Variants in CSMD1 observed in about 807,000 individuals in gnomAD.
CSMD1 encodes CUB and Sushi multiple domains 1.
In CSMD1, 213 loss-of-function variants were observed where a neutral mutation model predicts 417.5. That is an observed-to-expected ratio of 0.51 (90% CI 0.46 to 0.57). The LOEUF is 0.57. CSMD1 is among the 20% of genes least tolerant of loss of function. The probability of loss-of-function intolerance (pLI) is 0.00; values close to 1 mark genes in which losing one functional copy is unlikely to be tolerated. For synonymous variants in CSMD1, 2,862 were observed against 1,736.8 expected, an observed-to-expected ratio of 1.65 and a Z score of -16.11; for missense variants, 6,923 against 4,529.7, an observed-to-expected ratio of 1.53 and a Z score of -15.17.
chr8:3,936,306 C>A (rs912529093), intron 5 of CSMD1, among the ~76,000 whole-genome samples: 1 of 152,120 alleles, frequency 6.6e-6, no homozygotes, highest in African/African-American at 2.4e-5. Context: ...GGTGGCTACA[C>A]TAAAAGGCAG....
intron 5 of CSMD1, among the ~76,000 whole-genome samples, chr8:3,798,565 G>C (rs1346028358): frequency 2.6e-5 from 4 of 152,018 alleles, no homozygotes; most frequent in Non-Finnish European, 4.4e-5. Context: ...AGTTTTGAGA[G>C]GTGATTGCAA....
intron 1 of CSMD1, among the ~76,000 whole-genome samples, chr8:4,977,488 G>C (rs1810630696): frequency 6.6e-6 from 1 of 152,150 alleles, no homozygotes; most frequent in African/African-American, 2.4e-5. Flanking sequence ...TCTCTTCTGG[G>C]CTTTCTTCAC....
At chr8:3,392,638 G>C (rs1024071009) in intron 17 of CSMD1, among the ~76,000 whole-genome samples, 1 of 151,926 alleles carries the variant, frequency 6.6e-6, no homozygotes, top group Admixed American at 6.6e-5. Context: ...GAATCACCTC[G>C]AGGACTTGAT....
intron 3 of CSMD1, among the ~76,000 whole-genome samples, chr8:4,279,641 C>A (rs1796671942): frequency 2.0e-5 from 3 of 152,166 alleles, no homozygotes; most frequent in South Asian, 4.1e-4. Flanking sequence ...GATGTGGTAA[C>A]TCATTCGAGT....
chr8:3,485,395 A>G (rs1220076978), intron 11 of CSMD1, among the ~76,000 whole-genome samples: 3 of 152,076 alleles, frequency 2.0e-5, no homozygotes, highest in African/African-American at 7.2e-5. Flanking sequence ...TTAAGTGTAG[A>G]AAACAGGGAG....
intron 1 of CSMD1, among the ~76,000 whole-genome samples, chr8:4,903,983 A>T (rs934425395): frequency 1.3e-5 from 2 of 152,182 alleles, no homozygotes; most frequent in African/African-American, 2.4e-5. Flanking sequence ...TAAAGTGTAA[A>T]ATCATATGGC....
chr8:4,242,404 A>T (rs185010930), intron 3 of CSMD1, among the ~76,000 whole-genome samples: 4 of 152,218 alleles, frequency 2.6e-5, no homozygotes, highest in Non-Finnish European at 5.9e-5. Context: ...CCCACCCAGC[A>T]AATGAGAAAA....
intron 25 of CSMD1, among the ~76,000 whole-genome samples, chr8:3,302,316 G>A (rs553869147): frequency 3.6e-4 from 55 of 152,124 alleles, no homozygotes; most frequent in African/African-American, 1.3e-3. Context: ...CACTTCTTCT[G>A]GAATATCTCC....
At chr8:4,670,674 A>C (rs1012893424) in intron 1 of CSMD1, among the ~76,000 whole-genome samples, 1 of 152,214 alleles carries the variant, frequency 6.6e-6, no homozygotes, top group Non-Finnish European at 1.5e-5. Flanking sequence ...TCCAAATATT[A>C]CTATGATAGG....
intron 7 of CSMD1, among the ~76,000 whole-genome samples, chr8:3,698,175 C>G (rs554999244): frequency 6.6e-6 from 1 of 152,148 alleles, no homozygotes; most frequent in African/African-American, 2.4e-5. Flanking sequence ...CCCTTCACAG[C>G]AATATTTTCC....
chr8:3,461,214 AAAG>A (rs1049646005), intron 12 of CSMD1, among the ~76,000 whole-genome samples: 31 of 152,318 alleles, frequency 2.0e-4, no homozygotes, highest in African/African-American at 7.0e-4. Flanking sequence ...AATTTAGAAT[AAAG>A]AAGAAGATGC....
intron 62 of CSMD1, 99 bp downstream of exon 62, chr8:2,961,042 T>C: frequency 3.3e-6 from 2 of 609,024 alleles, no homozygotes; most frequent in South Asian, 6.5e-5. Context: ...AAATATAACA[T>C]GAATAAGGTA....
At chr8:4,731,806 C>G (rs293885) in intron 1 of CSMD1, among the ~76,000 whole-genome samples, 82,895 of 151,976 alleles carry the variant, frequency 0.55, 24,313 homozygotes, top group African/African-American at 0.77. Flanking sequence ...TAGGGTTGGG[C>G]GAACAACTCA....
intron 18 of CSMD1, among the ~76,000 whole-genome samples, chr8:3,382,754 G>A (rs1373525014): frequency 6.6e-6 from 1 of 151,288 alleles, no homozygotes. Context: ...TATTTCATGT[G>A]TATATTACAT....
At chr8:4,888,504 T>C (rs972176506) in intron 1 of CSMD1, among the ~76,000 whole-genome samples, 16 of 145,232 alleles carry the variant, frequency 1.1e-4, no homozygotes, top group African/African-American at 3.8e-4. Flanking sequence ...GACTGATAGA[T>C]GAGAGAGAGA....
intron 3 of CSMD1, among the ~76,000 whole-genome samples, chr8:4,187,676 CAAA>C (rs34858860): frequency 2.3e-5 from 2 of 88,510 alleles, no homozygotes; most frequent in Non-Finnish European, 4.1e-5. Flanking sequence ...AACTCCGTCT[CAAA>C]AAAAAAAAAA....
intron 3 of CSMD1, among the ~76,000 whole-genome samples, chr8:4,345,834 C>T (rs965782015): frequency 2.3e-4 from 35 of 152,086 alleles, no homozygotes; most frequent in Non-Finnish European, 4.3e-4. Flanking sequence ...TCCCGAGCAG[C>T]GACCTACATT....
chr8:4,286,525 T>G (rs1797063967), intron 3 of CSMD1, among the ~76,000 whole-genome samples: 1 of 152,076 alleles, frequency 6.6e-6, no homozygotes, highest in Admixed American at 6.6e-5. Flanking sequence ...TCTTCTGAGA[T>G]AATATGGTCT....
intron 5 of CSMD1, among the ~76,000 whole-genome samples, chr8:3,966,729 A>G (rs1812698159): frequency 9.8e-6 from 1 of 101,644 alleles, no homozygotes; most frequent in Non-Finnish European, 1.9e-5. Flanking sequence ...ATTCACACAC[A>G]CAGACACACA....
Sources: allele counts gnomAD v4.1 joint callset (sites outside exome capture counted in the v4.1 genomes callset), GRCh38; gene constraint gnomAD v4.1.1; transcripts MANE v1.5; gene names NCBI Gene and HGNC (gene_info 2026-07-23, HGNC 2026-07-21).